Variants in GRHL2 observed in about 807,000 individuals in gnomAD.
GRHL2 encodes grainyhead like transcription factor 2, also known as grainyhead-like protein 2 homolog.
GRHL2 carries 21 observed loss-of-function variants against 83.8 expected under a neutral mutation model. The ratio of observed to expected loss-of-function variants is 0.25; its 90% CI spans 0.18 to 0.36. The LOEUF (loss-of-function observed/expected upper bound fraction) is 0.36. GRHL2 is among the 10% of genes least tolerant of loss of function. The probability of loss-of-function intolerance (pLI) is 1.00; values close to 1 mark genes in which losing one functional copy is unlikely to be tolerated. For synonymous variants in GRHL2, 280 were observed against 278.9 expected (o/e 1.00, Z -0.04); for missense variants, 623 against 781.8 (o/e 0.80, Z 2.42).
Position 101,544,006 on chromosome 8 carries a change from G to A in GRHL2, c.216+570G>A, listed in dbSNP as rs143536216. 6.7e-4 allele frequency: 113 copies of A among 169,446 alleles called. 1 individual carries two copies. The highest frequency in any genetic ancestry group is 2.4e-3 in the African/African-American group (100 of 41,700). The allele number at this position is 169,446 out of a possible 1,614,324, so 10.5% of individuals were successfully genotyped here. A position where few individuals can be genotyped will look rare whatever the true frequency, so the allele number is the denominator to read the frequency against. ...CCATCAGATCTTGTGAGACTTATTCGCTATCACGAGAACAGTATGGGGGAA... is the reference window on the plus strand; with the variant it reads ...CCATCAGATCTTGTGAGACTTATTCACTATCACGAGAACAGTATGGGGGAA... On this transcript the variant is annotated intron_variant, in intron 2 of 15. Transcript: ENST00000646743.
intron 13 of GRHL2, among the ~76,000 whole-genome samples, chr8:101,647,954 G>T (rs572213750): frequency 6.6e-6 from 1 of 152,250 alleles, no homozygotes; most frequent in South Asian, 2.1e-4. Context: ...TCTTCTGGTT[G>T]ATGGCTCTGT....
intron 8 of GRHL2, among the ~76,000 whole-genome samples, chr8:101,608,774 C>T (rs1812687118): frequency 6.9e-6 from 1 of 145,672 alleles, no homozygotes; most frequent in African/African-American, 2.6e-5. Flanking sequence ...CACACACACA[C>T]ACACCTACAC....
intron 14 of GRHL2, among the ~76,000 whole-genome samples, chr8:101,654,667 C>A (rs1256332235): frequency 6.6e-6 from 1 of 152,194 alleles, no homozygotes; most frequent in African/African-American, 2.4e-5. Flanking sequence ...ACCCTTCCTT[C>A]CGAGCAACTT....
At chr8:101,617,942 A>G (rs1812888815) in intron 8 of GRHL2, among the ~76,000 whole-genome samples, 1 of 152,228 alleles carries the variant, frequency 6.6e-6, no homozygotes, top group Admixed American at 6.5e-5. Context: ...CAAATAAGAT[A>G]AGCATTAAAT....
chr8:101,602,478 G>A (rs1303464893), intron 8 of GRHL2, among the ~76,000 whole-genome samples: 1 of 152,164 alleles, frequency 6.6e-6, no homozygotes, highest in Non-Finnish European at 1.5e-5. Context: ...ACACAAACCT[G>A]TGGCCTACAG....
chr8:101,624,414 C>G (rs368383069), intron 9 of GRHL2, among the ~76,000 whole-genome samples: 14 of 137,364 alleles, frequency 1.0e-4, no homozygotes, highest in African/African-American at 3.2e-4. Context: ...AGACAGTTCA[C>G]ATTACACAGT....
chr8:101,537,247 T>C (rs1811062493), intron 1 of GRHL2, among the ~76,000 whole-genome samples: 1 of 152,228 alleles, frequency 6.6e-6, no homozygotes, highest in Non-Finnish European at 1.5e-5. Context: ...TCTCAGGTAC[T>C]ATATATCTGT....
At chr8:101,644,654 G>T (rs1481027069) in intron 13 of GRHL2, among the ~76,000 whole-genome samples, 1 of 152,154 alleles carries the variant, frequency 6.6e-6, no homozygotes, top group Non-Finnish European at 1.5e-5. Flanking sequence ...CCAGTCAAAG[G>T]TCTTATTCTG....
intron 12 of GRHL2, among the ~76,000 whole-genome samples, chr8:101,637,352 G>A (rs1813309816): frequency 6.6e-6 from 1 of 152,120 alleles, no homozygotes; most frequent in Non-Finnish European, 1.5e-5. Context: ...TACTGCCTGG[G>A]ATGCACACAC....
At chr8:101,607,086 T>C (rs1267349014) in intron 8 of GRHL2, among the ~76,000 whole-genome samples, 2 of 152,218 alleles carry the variant, frequency 1.3e-5, no homozygotes, top group African/African-American at 4.8e-5. Context: ...CTCAAATGTG[T>C]TCTTTTTTCT....
intron 3 of GRHL2, among the ~76,000 whole-genome samples, chr8:101,556,840 A>G (rs1811496889): frequency 6.6e-6 from 1 of 150,640 alleles, no homozygotes; most frequent in Non-Finnish European, 1.5e-5. Context: ...CCTTCAAATT[A>G]CCATGTTTGT....
intron 9 of GRHL2, among the ~76,000 whole-genome samples, chr8:101,620,624 A>G (rs1401577947): frequency 1.3e-5 from 2 of 152,218 alleles, no homozygotes; most frequent in Non-Finnish European, 1.5e-5. Flanking sequence ...ACAAATCCCA[A>G]ATATGAATGG....
intron 2 of GRHL2, among the ~76,000 whole-genome samples, chr8:101,552,205 C>G (rs557215925): frequency 6.6e-6 from 1 of 152,234 alleles, no homozygotes; most frequent in Non-Finnish European, 1.5e-5. Context: ...CCCAGGTATA[C>G]TGGATGCTTC....
intron 8 of GRHL2, among the ~76,000 whole-genome samples, chr8:101,604,504 G>A (rs17399841): frequency 0.034 from 5,122 of 151,972 alleles, 127 homozygotes; most frequent in Non-Finnish European, 0.054. Context: ...GTGCTACAAC[G>A]ACCTCTGTCA....
chr8:101,515,127 A>G lies in GRHL2; in HGVS notation c.20+22338A>G, dbSNP rs919280572. On this transcript the variant is annotated intron_variant, in intron 1 of 15. Transcript: ENST00000646743. ...CTGCAATGAGGTCTTGAAGTAGGAA[A>G]GAGAGAATAGACTCAACTCCCTCTC... is the stretch of plus-strand genomic sequence containing the variant. 8.7e-5 allele frequency among the ~76,000 whole-genome samples: 13 copies of G among 150,252 alleles called. No individual in the cohort carries two copies. In the South Asian group the frequency reaches 1.7e-3, roughly 20 times the overall value.
intron 1 of GRHL2, chr8:101,529,029 C>A: frequency 2.6e-6 from 1 of 378,344 alleles, no homozygotes; most frequent in South Asian, 2.1e-5. Context: ...TAATTTTTAC[C>A]ACTTTCTTCT....
chr8:101,653,805 T>C (rs1813726339), intron 14 of GRHL2, among the ~76,000 whole-genome samples: 1 of 151,744 alleles, frequency 6.6e-6, no homozygotes. Flanking sequence ...CAGAATCAGA[T>C]TCTATAGGGG....
At chr8:101,587,881 A>G (rs589981) in intron 7 of GRHL2, among the ~76,000 whole-genome samples, 152,247 of 152,364 alleles carry the variant, frequency 1, 76,066 homozygotes, top group Non-Finnish European at 1. Context: ...AGAAACAAAT[A>G]TATGTCTTTG....
intron 1 of GRHL2, 37 bp from the exon 2 acceptor site, chr8:101,543,204 T>C: frequency 1.3e-6 from 2 of 1,559,134 alleles, no homozygotes; most frequent in Non-Finnish European, 1.8e-6. Flanking sequence ...ATTTGCTCTC[T>C]CTGAAAATGA....
Sources: gnomAD v4.1 joint callset for allele counts (sites outside exome capture counted in the v4.1 genomes callset) on GRCh38, gnomAD v4.1.1 for gene constraint, MANE v1.5 for transcripts, NCBI Gene and HGNC (gene_info 2026-07-23, HGNC 2026-07-21) for gene names.